The following TSHZ2 variants were observed in gnomAD, a reference collection of about 807,000 sequenced individuals.
TSHZ2 encodes the protein teashirt zinc finger homeobox 2, also known as teashirt homolog 2.
Under a neutral mutation model 74.4 loss-of-function variants are expected in TSHZ2, and 21 were observed. The ratio of observed to expected loss-of-function variants is 0.28; its 90% CI spans 0.20 to 0.41. The LOEUF (loss-of-function observed/expected upper bound fraction) is 0.41. TSHZ2 is among the 10% of genes least tolerant of loss of function. The probability of loss-of-function intolerance (pLI) is 1.00; values close to 1 mark genes in which losing one functional copy is unlikely to be tolerated. For missense variants in TSHZ2, 1,244 were observed against 1,293.5 expected, an observed-to-expected ratio of 0.96 and a Z score of 0.59; for synonymous variants, 540 against 515.3, an observed-to-expected ratio of 1.05 and a Z score of -0.65.
intron 2 of TSHZ2, among the ~76,000 whole-genome samples, chr20:53,404,172 G>A (rs1982766280): frequency 6.6e-6 from 1 of 151,834 alleles, no homozygotes; most frequent in Non-Finnish European, 1.5e-5. Flanking sequence ...TCATTGTATT[G>A]AACATAAATG....
At chr20:52,979,093 G>C (rs1981464230) in intron 1 of TSHZ2, among the ~76,000 whole-genome samples, 1 of 151,754 alleles carries the variant, frequency 6.6e-6, no homozygotes, top group Admixed American at 6.6e-5. Context: ...GAGAGTACTT[G>C]CTTGCTTACC....
intron 1 of TSHZ2, among the ~76,000 whole-genome samples, chr20:52,978,672 A>C (rs1342023603): frequency 1.3e-5 from 2 of 152,208 alleles, no homozygotes; most frequent in Non-Finnish European, 2.9e-5. Flanking sequence ...TTACATATTT[A>C]ATTACAATCA....
At chr20:53,146,198 G>C (rs989271144) in intron 1 of TSHZ2, among the ~76,000 whole-genome samples, 2 of 150,172 alleles carry the variant, frequency 1.3e-5, no homozygotes, top group African/African-American at 4.9e-5. Flanking sequence ...TTCATTGTCA[G>C]ATACTCAAAG....
intron 2 of TSHZ2, among the ~76,000 whole-genome samples, chr20:53,323,767 A>G (rs1427205093): frequency 6.6e-6 from 1 of 151,814 alleles, no homozygotes; most frequent in African/African-American, 2.4e-5. Context: ...TAGTAGAGAC[A>G]GGTTTTCACC....
chr20:53,432,493 G>T (rs1310360426), intron 2 of TSHZ2, among the ~76,000 whole-genome samples: 2 of 152,192 alleles, frequency 1.3e-5, no homozygotes, highest in African/African-American at 2.4e-5. Flanking sequence ...ATACCTAGTA[G>T]TGGGATTCTT....
chr20:53,101,443 C>A (rs1362502039), intron 1 of TSHZ2, among the ~76,000 whole-genome samples: 1 of 152,118 alleles, frequency 6.6e-6, no homozygotes, highest in Non-Finnish European at 1.5e-5. Context: ...CTTTTAATAT[C>A]CCACCGTCGT....
At chr20:53,273,052 A>G (rs1404695497) in intron 2 of TSHZ2, among the ~76,000 whole-genome samples, 1 of 152,210 alleles carries the variant, frequency 6.6e-6, no homozygotes, top group African/African-American at 2.4e-5. Context: ...GAGAAACAGG[A>G]GCAGGGCTGA....
intron 1 of TSHZ2, among the ~76,000 whole-genome samples, chr20:53,056,164 A>C (rs1192600319): frequency 6.6e-6 from 1 of 152,240 alleles, no homozygotes; most frequent in African/African-American, 2.4e-5. Context: ...GCGTGAACTT[A>C]ATAAATTCCA....
intron 1 of TSHZ2, among the ~76,000 whole-genome samples, chr20:53,161,325 G>C (rs943526727): frequency 2.6e-5 from 4 of 152,188 alleles, no homozygotes; most frequent in Non-Finnish European, 5.9e-5. Context: ...ACCCATGGGT[G>C]GGAGGAGGGT....
chr20:53,232,726 C>A (rs552602208), intron 1 of TSHZ2, among the ~76,000 whole-genome samples: 3 of 152,078 alleles, frequency 2.0e-5, no homozygotes, highest in Admixed American at 6.5e-5. Flanking sequence ...CGAGACCCCC[C>A]CTCTAGAAAA....
intron 1 of TSHZ2, among the ~76,000 whole-genome samples, chr20:53,123,729 A>G (rs779598895): frequency 6.6e-6 from 1 of 152,152 alleles, no homozygotes; most frequent in Non-Finnish European, 1.5e-5. Flanking sequence ...ACTGGGGCCC[A>G]TAAAACAAGC....
chr20:53,102,672 C>T (rs1177713422), intron 1 of TSHZ2, among the ~76,000 whole-genome samples: 1 of 152,158 alleles, frequency 6.6e-6, no homozygotes, highest in Admixed American at 6.5e-5. Flanking sequence ...CCTGCTATAA[C>T]ACAAATACTT....
chr20:53,017,811 A>T (rs1196474094), intron 1 of TSHZ2, among the ~76,000 whole-genome samples: 2 of 152,134 alleles, frequency 1.3e-5, no homozygotes, highest in African/African-American at 4.8e-5. Flanking sequence ...GTGCTTCAGA[A>T]GTATCTTGTA....
intron 1 of TSHZ2, among the ~76,000 whole-genome samples, chr20:52,992,366 T>C (rs1330293721): frequency 6.6e-6 from 1 of 152,198 alleles, no homozygotes; most frequent in South Asian, 2.1e-4. Context: ...TCTTAGTAAA[T>C]GTCATATAGA....
rs1170215253 is a variant in TSHZ2, at chr20:52,972,976, CA to C, written c.-311del. ...AAAAAAAAAACCGCAAAAACAAAAC[CA>C]AAAAAATTCCAAAAGCAAAAACAAA... is the stretch of plus-strand genomic sequence containing the variant. On this transcript the variant is annotated 5_prime_UTR_variant, in exon 1 of 3. An upstream open reading frame in the 5' UTR gains an earlier in-frame stop. Transcript: ENST00000371497. 2.8e-6 allele frequency: 1 copy of C among 356,536 alleles called. No homozygotes were observed. The highest frequency in any genetic ancestry group is 5.0e-6 in the Non-Finnish European group (1 of 201,746). The allele number at this position is 356,536 out of a possible 1,614,324, so 22.1% of individuals were successfully genotyped here.
intron 1 of TSHZ2, among the ~76,000 whole-genome samples, chr20:53,106,791 A>G (rs1600693293): frequency 6.8e-6 from 1 of 146,588 alleles, no homozygotes. Context: ...TCCACCTCCC[A>G]GGTTCAAGCG....
At position 53,271,901 on chromosome 20, in the gene TSHZ2, G is replaced by A. The variant is rs1407016542; in HGVS notation, c.*8+15330G>A. 2.0e-5 allele frequency among the ~76,000 whole-genome samples: 3 copies of A among 152,190 alleles called. No individual in the cohort carries two copies. The East Asian group carries it at 5.8e-4, about 29-fold the overall frequency. ...GCTTCTCCTTGGGTGCACAAACTTT[G>A]TCTTTTCATGATCATAGAGACAGAT... On this transcript the variant is annotated intron_variant, in intron 2 of 2. Transcript: ENST00000371497.
chr20:53,109,895 A>G (rs1040373593), intron 1 of TSHZ2, among the ~76,000 whole-genome samples: 3 of 152,174 alleles, frequency 2.0e-5, no homozygotes, highest in Non-Finnish European at 4.4e-5. Flanking sequence ...TTCTCAGCTC[A>G]GCTCAGCTCA....
At chr20:52,988,374 T>C (rs1405484096) in intron 1 of TSHZ2, among the ~76,000 whole-genome samples, 1 of 152,168 alleles carries the variant, frequency 6.6e-6, no homozygotes, top group East Asian at 1.9e-4. Context: ...TTGACTAAGA[T>C]GATGACAAGC....
Sources: allele counts gnomAD v4.1 joint callset (sites outside exome capture counted in the v4.1 genomes callset), GRCh38; gene constraint gnomAD v4.1.1; transcripts MANE v1.5; gene names NCBI Gene and HGNC (gene_info 2026-07-23, HGNC 2026-07-21).